NRXN1: variants seen among roughly 807,000 people sequenced by gnomAD.
The protein encoded by NRXN1 is neurexin 1.
A neutral mutation model predicts 150.9 loss-of-function variants in NRXN1; 39 were observed. That is an observed-to-expected ratio of 0.26 (90% CI 0.20 to 0.34). NRXN1 has a LOEUF of 0.34. NRXN1 is among the 10% of genes least tolerant of loss of function. The pLI is 1.00. For synonymous variants in NRXN1, 924 were observed against 757.0 expected, an observed-to-expected ratio of 1.22 and a Z score of -3.62; for missense variants, 1,815 against 1,949.9, an observed-to-expected ratio of 0.93 and a Z score of 1.30.
intron 17 of NRXN1, among the ~76,000 whole-genome samples, chr2:50,290,403 A>G (rs1406324579): frequency 6.6e-6 from 1 of 152,198 alleles, no homozygotes; most frequent in East Asian, 1.9e-4. Flanking sequence ...TGTAAGTGCC[A>G]CACTTCCTTC....
intron 5 of NRXN1, among the ~76,000 whole-genome samples, chr2:50,677,623 G>C (rs1453798258): frequency 6.6e-6 from 1 of 152,046 alleles, no homozygotes; most frequent in Non-Finnish European, 1.5e-5. Context: ...AACTGGCTGA[G>C]AGACTAGACT....
chr2:50,856,360 A>C (rs1675272736), intron 5 of NRXN1, among the ~76,000 whole-genome samples: 1 of 152,046 alleles, frequency 6.6e-6, no homozygotes, highest in Non-Finnish European at 1.5e-5. Flanking sequence ...GAGAAAGTCT[A>C]AGGAGACTGC....
intron 17 of NRXN1, among the ~76,000 whole-genome samples, chr2:50,411,250 G>T (rs1376793383): frequency 6.6e-6 from 1 of 152,184 alleles, no homozygotes; most frequent in Non-Finnish European, 1.5e-5. Context: ...CTGGTCTCCA[G>T]CTCCTGATGG....
chr2:50,519,350 G>A (rs932429362), intron 12 of NRXN1, among the ~76,000 whole-genome samples: 7 of 151,796 alleles, frequency 4.6e-5, no homozygotes, highest in Non-Finnish European at 8.9e-5. Context: ...TGAATTCTAT[G>A]ATTCTCTTTG....
In NRXN1 at chr2:50,145,315, G is replaced by C. The variant is rs569368506; in HGVS notation, c.3547-53821C>G. Among the ~76,000 whole-genome samples the C allele has an allele frequency of 7.0e-4, 105 of 149,028 alleles. 1 individual carries two copies. The highest frequency in any genetic ancestry group is 2.4e-3 in the African/African-American group (96 of 40,770). On this transcript the variant is annotated intron_variant, in intron 18 of 22. Coordinates refer to ENST00000401669, the MANE Select transcript of NRXN1 (RefSeq NM_001330078.2). ...CCACACAAATACACACACACACACA[G>C]AAATTGTTTTTTTTCCTGAACCATT...
In NRXN1 at chr2:50,106,857, A is replaced by C. The variant is rs1430316052; in HGVS notation, c.3547-15363T>G. On this transcript the variant is annotated intron_variant, in intron 18 of 22. Coordinates refer to ENST00000401669, the MANE Select transcript of NRXN1 (RefSeq NM_001330078.2). Reference sequence around the variant, plus strand: ...GCTTAGCATTTTTAATGGATTATTTACTCATCATTTAGCTTAAACATCATA... The same window carrying C: ...GCTTAGCATTTTTAATGGATTATTTCCTCATCATTTAGCTTAAACATCATA... 1.1e-3 allele frequency among the ~76,000 whole-genome samples: 167 copies of C among 151,974 alleles called. 1 individual carries two copies. Among genetic ancestry groups the C allele is most frequent in the Non-Finnish European group, 2.2e-4 (15 of 67,878 alleles).
intron 18 of NRXN1, among the ~76,000 whole-genome samples, chr2:50,120,770 T>C (rs1298090204): frequency 3.9e-5 from 6 of 152,202 alleles, no homozygotes; most frequent in African/African-American, 1.4e-4. Flanking sequence ...TTTTCACATA[T>C]TATTAAACAA....
chr2:50,513,878 C>G (rs1299790948), intron 12 of NRXN1, among the ~76,000 whole-genome samples: 1 of 151,964 alleles, frequency 6.6e-6, no homozygotes, highest in African/African-American at 2.4e-5. Flanking sequence ...GTATGTGCCC[C>G]AAGTGTAAAC....
At chr2:50,826,717 T>C (rs1345232691) in intron 5 of NRXN1, among the ~76,000 whole-genome samples, 3 of 152,112 alleles carry the variant, frequency 2.0e-5, no homozygotes, top group East Asian at 1.9e-4. Context: ...CGGCAGAAAT[T>C]ATGAACTAGA....
At chr2:50,658,668 G>A (rs1385560397) in intron 5 of NRXN1, among the ~76,000 whole-genome samples, 1 of 151,616 alleles carries the variant, frequency 6.6e-6, no homozygotes, top group Non-Finnish European at 1.5e-5. Context: ...TCCTGCTTTT[G>A]AGACTTTCCC....
intron 2 of NRXN1, among the ~76,000 whole-genome samples, chr2:51,019,315 G>T (rs1479073393): frequency 6.6e-6 from 1 of 152,020 alleles, no homozygotes; most frequent in African/African-American, 2.4e-5. Context: ...TATCAAGTAG[G>T]ACTATGGTAA....
intron 17 of NRXN1, among the ~76,000 whole-genome samples, chr2:50,447,557 C>CT (rs1236282706): frequency 6.0e-4 from 82 of 137,240 alleles, no homozygotes; most frequent in African/African-American, 2.2e-3. Context: ...TATATATATA[C>CT]ATATATATAT....
intron 2 of NRXN1, among the ~76,000 whole-genome samples, chr2:50,930,839 C>A (rs566915497): frequency 6.6e-6 from 1 of 152,262 alleles, no homozygotes; most frequent in African/African-American, 2.4e-5. Flanking sequence ...CATACCCTCC[C>A]AACCAAGCTT....
chr2:50,065,409 T>C (rs2152654982), intron 19 of NRXN1, among the ~76,000 whole-genome samples: 1 of 152,256 alleles, frequency 6.6e-6, no homozygotes, highest in Admixed American at 6.5e-5. Flanking sequence ...AGGGCCAACA[T>C]CTTCTCCTTA....
intron 21 of NRXN1, among the ~76,000 whole-genome samples, chr2:49,973,387 A>C (rs1369547230): frequency 6.6e-6 from 1 of 152,150 alleles, no homozygotes; most frequent in Non-Finnish European, 1.5e-5. Context: ...CTGATCACTA[A>C]TACGTTTTCT....
intron 21 of NRXN1, among the ~76,000 whole-genome samples, chr2:50,036,005 T>A (rs1198173265): frequency 1.3e-5 from 2 of 152,094 alleles, no homozygotes; most frequent in Non-Finnish European, 1.5e-5. Context: ...CCACAAGGAA[T>A]GAATAGCACA....
intron 17 of NRXN1, among the ~76,000 whole-genome samples, chr2:50,445,365 T>C (rs1051852042): frequency 5.9e-5 from 9 of 152,202 alleles, no homozygotes; most frequent in Non-Finnish European, 1.3e-4. Flanking sequence ...CTAACAAATG[T>C]AGATAGTCAA....
At chr2:50,380,271 C>T in intron 17 of NRXN1, among the ~76,000 whole-genome samples, 1 of 144,522 alleles carries the variant, frequency 6.9e-6, no homozygotes, top group Non-Finnish European at 1.5e-5. Flanking sequence ...GAGAAATGAC[C>T]ACATATGTGT....
rs1667714659 is a variant in NRXN1, at chr2:50,552,767, G to T, written c.1579C>A (p.Gln527Lys). The T allele has an allele frequency of 6.2e-7, 1 of 1,613,804 alleles. No individual in the cohort carries two copies. The highest frequency in any genetic ancestry group is 8.5e-7 in the Non-Finnish European group (1 of 1,179,870). Residue 527 changes from glutamine to lysine, a missense_variant, in exon 9 of 23, where the codon CAG (glutamine) becomes AAG (lysine). This residue lies in a region of NRXN1 where 638 missense variants were observed against 652.6 expected (regional missense o/e 0.98). Coordinates refer to ENST00000401669, the MANE Select transcript of NRXN1 (RefSeq NM_001330078.2). Reference protein sequence around the residue: ...ILFSHGKPRHQKDAKHPQMIK... With the variant: ...ILFSHGKPRHKKDAKHPQMIK... Reference sequence around the variant, plus strand: ...ATCTGTGGGTGCTTGGCATCTTTCTGATGTCTTGGCTTGCCATGGCTAAAT... The same window carrying T: ...ATCTGTGGGTGCTTGGCATCTTTCTTATGTCTTGGCTTGCCATGGCTAAAT...
Sources: allele counts gnomAD v4.1 joint callset (sites outside exome capture counted in the v4.1 genomes callset), GRCh38; gene constraint gnomAD v4.1.1; regional missense constraint gnomAD v4.1.1; transcripts MANE v1.5; gene names NCBI Gene and HGNC (gene_info 2026-07-23, HGNC 2026-07-21).